The following RABGAP1L variants were observed in gnomAD, a reference collection of about 807,000 sequenced individuals.
RABGAP1L encodes RAB GTPase activating protein 1 like.
In RABGAP1L, 63 loss-of-function variants were observed where a neutral mutation model predicts 137.7. The ratio of observed to expected loss-of-function variants is 0.46; its 90% CI spans 0.37 to 0.56. RABGAP1L has a LOEUF of 0.56. Ranked by LOEUF, RABGAP1L falls within the 20% of genes least tolerant of loss-of-function variation. The pLI, the probability that RABGAP1L is intolerant of heterozygous loss-of-function variation, is 0.00. For synonymous variants in RABGAP1L, 431 were observed against 433.7 expected (o/e 0.99, Z 0.08); for missense variants, 1,095 against 1,244.0 (o/e 0.88, Z 1.80).
chr1:174,639,619 T>C lies in RABGAP1L; in HGVS notation c.1824+2131T>C, dbSNP rs922640152. On this transcript the variant is annotated intron_variant, in intron 14 of 25. Coordinates refer to ENST00000681986, the MANE Select transcript of RABGAP1L (RefSeq NM_001366446.1). ...CCTTCAGCTTTTCTCTGATTGATAC[T>C]AGATACTTTCTTCACATAACTAAAA... Among the ~76,000 whole-genome samples the C allele has an allele frequency of 4.6e-5, 7 of 152,272 alleles. No homozygotes were observed. The Middle Eastern group carries it at 0.02, about 444-fold the overall frequency.
At chr1:174,650,419 C>T (rs1249206313) in intron 14 of RABGAP1L, among the ~76,000 whole-genome samples, 4 of 152,254 alleles carry the variant, frequency 2.6e-5, no homozygotes, top group Non-Finnish European at 4.4e-5. Flanking sequence ...GTACCAGTTC[C>T]TCCTTGTACC....
intron 14 of RABGAP1L, among the ~76,000 whole-genome samples, chr1:174,673,800 A>G (rs960102074): frequency 4.6e-5 from 7 of 152,202 alleles, no homozygotes; most frequent in Non-Finnish European, 8.8e-5. Context: ...AGAGTTGAGC[A>G]TGCTGAAGTC....
chr1:174,519,214 A>G (rs902860770), intron 13 of RABGAP1L, among the ~76,000 whole-genome samples: 1 of 144,084 alleles, frequency 6.9e-6, no homozygotes, highest in Non-Finnish European at 1.5e-5. Flanking sequence ...ACATACATAT[A>G]TATATACACA....
chr1:174,782,391 A>G (rs545304011), intron 18 of RABGAP1L, among the ~76,000 whole-genome samples: 55 of 152,236 alleles, frequency 3.6e-4, no homozygotes, highest in East Asian at 5.8e-4. Flanking sequence ...GTATAAGAAT[A>G]CTTGTGATTT....
intron 1 of RABGAP1L, among the ~76,000 whole-genome samples, chr1:174,178,281 G>A (rs1215994354): frequency 6.6e-6 from 1 of 152,118 alleles, no homozygotes; most frequent in South Asian, 2.1e-4. Context: ...TTGTCTGTTG[G>A]TGTATAGGAA....
rs901794483 is a variant in RABGAP1L at position 174,605,155 on chromosome 1, A to G, written c.1711-32220A>G. On this transcript the variant is annotated intron_variant, in intron 13 of 25. Transcript: ENST00000681986. The stretch of plus-strand genomic sequence containing the variant: ...GACCCTGTCTCAAAACCAAACCAAA[A>G]CAAACAAACAAACAAACAAACAAAC... Among the ~76,000 whole-genome samples the G allele has an allele frequency of 4.2e-5, 5 of 119,262 alleles. No individual in the cohort carries two copies. The South Asian group carries it at 1.1e-3, about 25-fold the overall frequency. 78.2% of individuals were successfully genotyped at this position (119,262 alleles called of 152,430 possible). A position where few individuals can be genotyped will look rare whatever the true frequency, so the allele number is the denominator to read the frequency against.
chr1:174,969,245 A>T, intron 20 of RABGAP1L, 32 bp from the exon 21 acceptor site: 2 of 1,475,766 alleles, frequency 1.4e-6, no homozygotes, highest in Non-Finnish European at 1.9e-6. Flanking sequence ...TCCAGACACT[A>T]ATGCCCACCT....
At chr1:174,248,009 A>G (rs1672409102) in intron 5 of RABGAP1L, among the ~76,000 whole-genome samples, 1 of 152,194 alleles carries the variant, frequency 6.6e-6, no homozygotes, top group African/African-American at 2.4e-5. Flanking sequence ...TTCATTTAGG[A>G]GTAGGAAGTG....
chr1:174,332,844 A>G (rs1424659318), intron 11 of RABGAP1L, among the ~76,000 whole-genome samples: 1 of 152,234 alleles, frequency 6.6e-6, no homozygotes, highest in Non-Finnish European at 1.5e-5. Context: ...TCCAAAGGAA[A>G]TGAAATCAGT....
chr1:174,767,813 G>T (rs1328647148), intron 18 of RABGAP1L, among the ~76,000 whole-genome samples: 1 of 152,168 alleles, frequency 6.6e-6, no homozygotes, highest in Admixed American at 6.5e-5. Flanking sequence ...AAAAAAAGGG[G>T]TTTATTGGAC....
intron 19 of RABGAP1L, chr1:174,875,531 C>T: frequency 2.0e-6 from 2 of 985,372 alleles, no homozygotes; most frequent in Non-Finnish European, 2.4e-6. Context: ...GCACCTTATT[C>T]AGATATCCAT....
chr1:174,196,399 A>G (rs777136952), intron 1 of RABGAP1L, among the ~76,000 whole-genome samples: 3 of 150,428 alleles, frequency 2.0e-5, no homozygotes, highest in Admixed American at 2.0e-4. Flanking sequence ...AATTTTTTGT[A>G]TTTTTTGGTA....
rs113339672 is a variant in RABGAP1L at position 174,565,284 on chromosome 1, G to C, written c.1711-72091G>C. Among the ~76,000 whole-genome samples the C allele has an allele frequency of 1.8e-3, 267 of 152,262 alleles. 1 individual carries two copies. Among genetic ancestry groups the C allele is most frequent in the Non-Finnish European group, 2.7e-3 (183 of 68,018 alleles). ...TCTACTCTTAAGACACCTGTGTAAT[G>C]AAACGTGGCTTTCCCCATATCTCCC... is the stretch of plus-strand genomic sequence containing the variant. On this transcript the variant is annotated intron_variant, in intron 13 of 25. Transcript: ENST00000681986.
At chr1:174,852,815 CAA>C (rs71117583) in intron 19 of RABGAP1L, among the ~76,000 whole-genome samples, 1 of 143,374 alleles carries the variant, frequency 7.0e-6, no homozygotes. Context: ...GATTTGGTCT[CAA>C]AAAAAAAAAT....
intron 11 of RABGAP1L, among the ~76,000 whole-genome samples, chr1:174,307,069 T>C (rs557243924): frequency 6.6e-6 from 1 of 150,662 alleles, no homozygotes; most frequent in East Asian, 2.0e-4. Context: ...TGTTAACTTA[T>C]TTGAGTCTTA....
chr1:174,178,106 C>T (rs1465994243), intron 1 of RABGAP1L, among the ~76,000 whole-genome samples: 1 of 152,240 alleles, frequency 6.6e-6, no homozygotes, highest in African/African-American at 2.4e-5. Flanking sequence ...TTCTTCCTAT[C>T]CGTGAGTATG....
chr1:174,241,698 T>A, intron 5 of RABGAP1L, 41 bp downstream of exon 5: 1 of 1,462,002 alleles, frequency 6.8e-7, no homozygotes, highest in Non-Finnish European at 9.3e-7. Flanking sequence ...TAGAGATGAA[T>A]TAGGGTAATA....
chr1:174,946,936 ATATATGTGTGTGTGTGTGTGTG>A (rs1666923896), intron 19 of RABGAP1L, among the ~76,000 whole-genome samples: 3 of 65,076 alleles, frequency 4.6e-5, no homozygotes, highest in East Asian at 8.4e-4. Context: ...ATATATATAT[ATATATGTGTGTGTGTGTGTGTG>A]TGTGTGTGTG....
rs574698835 is a variant in RABGAP1L, at chr1:174,444,927, GAAT to G, written c.1710+50791_1710+50793del. ...TTTTTATGTTTTTTAGGACTTTTAA[GAAT>G]AATAATAACCTATTTCGGTCCCATT... On this transcript the variant is annotated intron_variant, in intron 13 of 25. Transcript: ENST00000681986. 3.3e-5 allele frequency among the ~76,000 whole-genome samples: 5 copies of G among 151,944 alleles called. No individual in the cohort carries two copies. In the South Asian group the frequency reaches 8.3e-4, roughly 25 times the overall value.
Sources: gnomAD v4.1 joint callset for allele counts (sites outside exome capture counted in the v4.1 genomes callset) on GRCh38, gnomAD v4.1.1 for gene constraint, MANE v1.5 for transcripts, NCBI Gene and HGNC (gene_info 2026-07-23, HGNC 2026-07-21) for gene names.